Variants in MINPP1 observed in about 807,000 individuals in gnomAD.
MINPP1 encodes multiple inositol-polyphosphate phosphatase 1.
A neutral mutation model predicts 46.1 loss-of-function variants in MINPP1; 28 were observed. The observed-to-expected ratio is 0.61, with a 90% confidence interval of 0.45 to 0.83. MINPP1 has a LOEUF of 0.83. MINPP1 is among the 40% of genes least tolerant of loss of function. The probability of loss-of-function intolerance (pLI) is 0.00; values close to 1 mark genes in which losing one functional copy is unlikely to be tolerated. For missense variants in MINPP1, 603 were observed against 610.0 expected, an observed-to-expected ratio of 0.99 and a Z score of 0.12; for synonymous variants, 268 against 249.1, an observed-to-expected ratio of 1.08 and a Z score of -0.72.
intron 3 of MINPP1, among the ~76,000 whole-genome samples, chr10:87,517,807 A>G (rs1298006222): frequency 1.3e-5 from 2 of 152,132 alleles, no homozygotes; most frequent in Non-Finnish European, 2.9e-5. Context: ...GACCACAGGC[A>G]TCCGCCACCA....
At chr10:87,521,781 A>C (rs1017449204) in intron 4 of MINPP1, among the ~76,000 whole-genome samples, 2 of 152,228 alleles carry the variant, frequency 1.3e-5, no homozygotes, top group African/African-American at 4.8e-5. Flanking sequence ...GGCTCCTGCT[A>C]TGAATGTGCA....
intron 4 of MINPP1, among the ~76,000 whole-genome samples, 174 bp downstream of exon 4, chr10:87,521,343 A>G (rs1589374846): frequency 6.6e-6 from 1 of 152,172 alleles, no homozygotes; most frequent in Non-Finnish European, 1.5e-5. Context: ...AAACATACGA[A>G]CCTTCCACTC....
intron 2 of MINPP1, among the ~76,000 whole-genome samples, chr10:87,511,135 C>T (rs2131802850): frequency 6.6e-6 from 1 of 152,096 alleles, no homozygotes; most frequent in South Asian, 2.1e-4. Flanking sequence ...TTTTTGTTTT[C>T]TTATGAATCA....
chr10:87,544,408 T>G (rs1213899304), intron 4 of MINPP1, among the ~76,000 whole-genome samples: 1 of 152,192 alleles, frequency 6.6e-6, no homozygotes. Flanking sequence ...GGAGGCCTCA[T>G]TACTTAGACA....
At position 87,531,944 on chromosome 10, in the gene MINPP1, C is replaced by T. The variant is rs139211950; in HGVS notation, c.1067+10775C>T. 2.4e-3 allele frequency among the ~76,000 whole-genome samples: 365 copies of T among 152,236 alleles called. 1 individual carries two copies. The highest frequency in any genetic ancestry group is 3.9e-3 in the Non-Finnish European group (262 of 68,010). On this transcript the variant is annotated intron_variant, in intron 4 of 4. Transcript: ENST00000371996. ...TAAGGAATACTCAACCTATACCTCA[C>T]CTGACTCATGGAATTGTGATAATCA...
chr10:87,522,852 C>A (rs1439848888), intron 4 of MINPP1, among the ~76,000 whole-genome samples: 1 of 152,170 alleles, frequency 6.6e-6, no homozygotes, highest in Non-Finnish European at 1.5e-5. Flanking sequence ...TAACATTTTA[C>A]CCACAGTAGA....
chr10:87,549,880 CTTGT>C (rs1160170196), intron 4 of MINPP1, among the ~76,000 whole-genome samples: 1 of 152,118 alleles, frequency 6.6e-6, no homozygotes, highest in African/African-American at 2.4e-5. Context: ...ATTTATATTA[CTTGT>C]TTTTCTTTTA....
chr10:87,520,888 A>T, intron 3 of MINPP1, 148 bp from the exon 4 acceptor site: 1 of 499,016 alleles, frequency 2.0e-6, no homozygotes, highest in Non-Finnish European at 3.6e-6. Context: ...TTAGGGACCA[A>T]CTCTTAAATG....
At position 87,513,179 on chromosome 10, in the gene MINPP1, TA is replaced by T; in HGVS notation, c.894del (p.Lys298AsnfsTer10). The T allele has an allele frequency of 6.2e-7, 1 of 1,613,760 alleles. No individual in the cohort carries two copies. On this transcript the variant is annotated frameshift_variant, in exon 3 of 5. Coordinates refer to ENST00000371996, the MANE Select transcript of MINPP1 (RefSeq NM_004897.5). LOFTEE classifies it high-confidence loss of function. ...CSFDLAIKGV[K>X]SPWCDVFDID... ...CATTTGACCTGGCAATTAAAGGTGT[TA>T]AATCTCCTTGGTGTGATGTTTTTGA...
At chr10:87,507,010 A>G (rs1035459206) in intron 1 of MINPP1, among the ~76,000 whole-genome samples, 7 of 152,254 alleles carry the variant, frequency 4.6e-5, no homozygotes, top group Admixed American at 2.6e-4. Flanking sequence ...ATATTTTAAT[A>G]TAACACAATA....
At position 87,533,958 on chromosome 10, in the gene MINPP1, A is replaced by G. The variant is rs572260877; in HGVS notation, c.1067+12789A>G. On this transcript the variant is annotated intron_variant, in intron 4 of 4. Coordinates refer to ENST00000371996, the MANE Select transcript of MINPP1 (RefSeq NM_004897.5). ...GTGTTTTTGCCAACTTTTTGAAGTC[A>G]CAGTTCCATGGAGTTTAGCCAGGGG... Among the ~76,000 whole-genome samples, 140 of 151,990 alleles carry G rather than the reference A, an allele frequency of 9.2e-4. 1 individual carries two copies. The highest frequency in any genetic ancestry group is 3.2e-3 in the African/African-American group (131 of 41,454).
At chr10:87,508,676 T>A (rs1851291332) in intron 2 of MINPP1, 143 bp downstream of exon 2, 1 of 767,980 alleles carries the variant, frequency 1.3e-6, no homozygotes, top group East Asian at 2.7e-5. Context: ...GTCAAAAAAA[T>A]TGTATACCTT....
At chr10:87,538,503 T>G (rs569463327) in intron 4 of MINPP1, among the ~76,000 whole-genome samples, 6 of 152,356 alleles carry the variant, frequency 3.9e-5, no homozygotes, top group African/African-American at 1.4e-4. Context: ...CTGGTCCCTA[T>G]TACTCCGTCT....
intron 3 of MINPP1, among the ~76,000 whole-genome samples, chr10:87,519,480 C>A (rs1447501280): frequency 6.6e-6 from 1 of 152,196 alleles, no homozygotes; most frequent in Admixed American, 6.5e-5. Context: ...TCATTTCCTT[C>A]AATTTATAAC....
intron 3 of MINPP1, among the ~76,000 whole-genome samples, chr10:87,520,177 A>G (rs890074465): frequency 6.6e-6 from 1 of 152,044 alleles, no homozygotes; most frequent in Non-Finnish European, 1.5e-5. Flanking sequence ...ATGGAAATCT[A>G]TAATATAGAA....
At chr10:87,551,656 AGATATAAATAAAAT>A (rs1465264709) in intron 4 of MINPP1, among the ~76,000 whole-genome samples, 3 of 152,130 alleles carry the variant, frequency 2.0e-5, no homozygotes, top group Non-Finnish European at 4.4e-5. Context: ...CTTATTCCCT[AGATATAAATAAAAT>A]AATAACACTT....
rs146621374 is a variant in MINPP1 at position 87,508,479 on chromosome 10, A to G, written c.781A>G (p.Ile261Val). The change falls in exon 2 of 5, where the codon ATT becomes GTT. Residue 261 changes from isoleucine (I) to valine (V), a missense_variant. By Grantham distance (29) the Ile-to-Val change is conservative (BLOSUM62 3). Coordinates refer to ENST00000371996, the MANE Select transcript of MINPP1 (RefSeq NM_004897.5). ...AFKTGPEMQN[I>V]LKKVAATLQV... Reference sequence around the variant, plus strand: ...CAAAACTGGACCAGAAATGCAGAACATTTTAAAAAAAGTTGCAGCTACTTT... The same window carrying G: ...CAAAACTGGACCAGAAATGCAGAACGTTTTAAAAAAAGTTGCAGCTACTTT... 6 of 1,613,914 alleles carry G rather than the reference A, an allele frequency of 3.7e-6. No individual in the cohort carries two copies. Among genetic ancestry groups the G allele is most frequent in the Non-Finnish European group, 5.1e-6 (6 of 1,179,850 alleles).
chr10:87,521,934 G>C (rs764428300), intron 4 of MINPP1, among the ~76,000 whole-genome samples: 1 of 152,088 alleles, frequency 6.6e-6, no homozygotes, highest in African/African-American at 2.4e-5. Context: ...ATCCTCTCCC[G>C]TTGGTCTCCC....
At chr10:87,546,969 AT>A (rs1564683805) in intron 4 of MINPP1, among the ~76,000 whole-genome samples, 1 of 152,150 alleles carries the variant, frequency 6.6e-6, no homozygotes, top group African/African-American at 2.4e-5. Flanking sequence ...TTTAAAAAAA[AT>A]TTTGTGGGAT....
Sources: gnomAD v4.1 joint callset for allele counts (sites outside exome capture counted in the v4.1 genomes callset) on GRCh38, gnomAD v4.1.1 for gene constraint, MANE v1.5 for transcripts, NCBI Gene and HGNC (gene_info 2026-07-23, HGNC 2026-07-21) for gene names.